Variants in MGAT5 observed in about 807,000 individuals in gnomAD.
MGAT5 encodes the protein alpha-1,6-mannosylglycoprotein 6-beta-N-acetylglucosaminyltransferase.
A neutral mutation model predicts 94.3 loss-of-function variants in MGAT5; 30 were observed. That is an observed-to-expected ratio of 0.32 (90% CI 0.24 to 0.43). The LOEUF is 0.43. Among genes scored for constraint, MGAT5 ranks in the 20% least tolerant of loss-of-function variants. The pLI is 1.00. For missense variants in MGAT5, 691 were observed against 905.5 expected, an observed-to-expected ratio of 0.76 and a Z score of 3.04; for synonymous variants, 310 against 322.9, an observed-to-expected ratio of 0.96 and a Z score of 0.43.
chr2:134,419,442 TTGTGTGTGTGTGTGTGTGTGTGTGTG>T (rs56181696), intron 12 of MGAT5, among the ~76,000 whole-genome samples: 9 of 134,222 alleles, frequency 6.7e-5, no homozygotes, highest in South Asian at 2.6e-4. Flanking sequence ...GCTTCAGGGT[TTGTGTGTGTGTGTGTGTGTGTGTGTG>T]TGTGTGTGTG....
At chr2:134,295,576 C>A (rs1223461900) in intron 2 of MGAT5, among the ~76,000 whole-genome samples, 1 of 152,142 alleles carries the variant, frequency 6.6e-6, no homozygotes, top group African/African-American at 2.4e-5. Context: ...CATTCCATTT[C>A]GACTTGTCAC....
chr2:134,204,212 C>G (rs924373159), intron 1 of MGAT5, among the ~76,000 whole-genome samples: 4 of 152,192 alleles, frequency 2.6e-5, no homozygotes, highest in African/African-American at 7.2e-5. Context: ...TGACAGCTCT[C>G]CCACCCTTTG....
chr2:134,378,686 G>T (rs990443975), intron 10 of MGAT5, among the ~76,000 whole-genome samples: 1 of 150,090 alleles, frequency 6.7e-6, no homozygotes, highest in Non-Finnish European at 1.5e-5. Context: ...CATGATCTCG[G>T]CTCACTGCCA....
intron 2 of MGAT5, 26 bp from the exon 3 acceptor site, chr2:134,317,503 C>G: frequency 6.7e-7 from 1 of 1,501,138 alleles, no homozygotes; most frequent in Non-Finnish European, 9.0e-7. Flanking sequence ...CTCATTGTAT[C>G]CTTTGTTGTT....
At chr2:134,388,010 A>C (rs1435980455) in intron 10 of MGAT5, among the ~76,000 whole-genome samples, 2 of 152,218 alleles carry the variant, frequency 1.3e-5, no homozygotes, top group Non-Finnish European at 2.9e-5. Context: ...ATCTCCAGCT[A>C]AAATTCATGG....
chr2:134,322,696 A>G (rs562927703), intron 4 of MGAT5, among the ~76,000 whole-genome samples: 120 of 152,216 alleles, frequency 7.9e-4, no homozygotes, highest in Non-Finnish European at 1.5e-3. Flanking sequence ...CTGTTGGTTC[A>G]CTTGTGTGGT....
chr2:134,189,568 C>G (rs1689213020), intron 1 of MGAT5, among the ~76,000 whole-genome samples: 1 of 139,722 alleles, frequency 7.2e-6, no homozygotes, highest in African/African-American at 2.7e-5. Flanking sequence ...TATGCAATAA[C>G]ATATGACTAA....
intron 6 of MGAT5, among the ~76,000 whole-genome samples, chr2:134,338,649 G>C (rs1222795237): frequency 1.1e-5 from 1 of 92,788 alleles, no homozygotes; most frequent in Non-Finnish European, 2.8e-5. Flanking sequence ...CAGAATATCT[G>C]CCTGTAAGAC....
rs546013435 is a variant in MGAT5 at position 134,453,314 on chromosome 2, C to T, written c.*4467C>T. On this transcript the variant is annotated 3_prime_UTR_variant, in exon 16 of 16. Coordinates refer to ENST00000281923, the MANE Select transcript of MGAT5 (RefSeq NM_002410.5). Reference sequence around the variant, plus strand: ...GGTTTGAAAATATGCCAGACTTCAGCCCCCAAGGAAACAAGGCTGCAAGAA... The same window carrying T: ...GGTTTGAAAATATGCCAGACTTCAGTCCCCAAGGAAACAAGGCTGCAAGAA... The T allele has an allele frequency of 6.6e-6, 1 of 152,254 alleles. No individual in the cohort carries two copies. The highest frequency in any genetic ancestry group is 2.4e-5 in the African/African-American group (1 of 41,532). The allele number at this position is 152,254 out of a possible 1,614,324, so 9.4% of individuals were successfully genotyped here.
At chr2:134,122,295 G>A (rs1417027855) in intron 1 of MGAT5, among the ~76,000 whole-genome samples, 3 of 152,116 alleles carry the variant, frequency 2.0e-5, no homozygotes, top group Admixed American at 6.5e-5. Flanking sequence ...GTAGAGACGA[G>A]GTTTCACCAT....
intron 1 of MGAT5, among the ~76,000 whole-genome samples, chr2:134,150,229 A>T (rs1244521567): frequency 2.0e-5 from 3 of 152,174 alleles, no homozygotes; most frequent in Admixed American, 6.5e-5. Flanking sequence ...TAGCGTCTTG[A>T]TAGTAGTGTG....
At chr2:134,123,068 A>T (rs1685690903) in intron 1 of MGAT5, among the ~76,000 whole-genome samples, 1 of 152,178 alleles carries the variant, frequency 6.6e-6, no homozygotes, top group Admixed American at 6.5e-5. Flanking sequence ...TCTTTGGTAG[A>T]ATCTGGAAGC....
chr2:134,405,414 G>A (rs890402168), intron 11 of MGAT5, among the ~76,000 whole-genome samples: 1 of 152,130 alleles, frequency 6.6e-6, no homozygotes, highest in African/African-American at 2.4e-5. Context: ...ACAAGGATGG[G>A]GCAGCGTATT....
At chr2:134,221,172 C>G (rs1409707523) in intron 1 of MGAT5, among the ~76,000 whole-genome samples, 1 of 152,108 alleles carries the variant, frequency 6.6e-6, no homozygotes, top group African/African-American at 2.4e-5. Context: ...CTCGGGAGGT[C>G]CTGAGAACAT....
At chr2:134,221,258 A>C (rs1294542447) in intron 1 of MGAT5, among the ~76,000 whole-genome samples, 1 of 152,230 alleles carries the variant, frequency 6.6e-6, no homozygotes, top group Non-Finnish European at 1.5e-5. Context: ...AATACATTTA[A>C]GGAATGCATT....
chr2:134,357,034 A>G (rs1679789065), intron 9 of MGAT5, among the ~76,000 whole-genome samples: 1 of 152,224 alleles, frequency 6.6e-6, no homozygotes, highest in Non-Finnish European at 1.5e-5. Flanking sequence ...GAGACATATA[A>G]TGGCAGGAAT....
chr2:134,151,111 G>T (rs1687146952), intron 1 of MGAT5, among the ~76,000 whole-genome samples: 1 of 152,106 alleles, frequency 6.6e-6, no homozygotes, highest in Non-Finnish European at 1.5e-5. Context: ...GCAGCCCATA[G>T]AGGTGAGTGA....
chr2:134,394,985 G>A (rs1418288972), intron 10 of MGAT5, among the ~76,000 whole-genome samples: 3 of 152,210 alleles, frequency 2.0e-5, no homozygotes, highest in Non-Finnish European at 4.4e-5. Context: ...TAAACAGTCT[G>A]TTTTCTGTGG....
intron 1 of MGAT5, among the ~76,000 whole-genome samples, chr2:134,178,932 CCATCTT>C (rs1688606039): frequency 6.6e-6 from 1 of 152,164 alleles, no homozygotes; most frequent in Admixed American, 6.5e-5. Flanking sequence ...CAGGTATAGT[CCATCTT>C]CATTATTCTC....
Sources: allele counts gnomAD v4.1 joint callset (sites outside exome capture counted in the v4.1 genomes callset), GRCh38; gene constraint gnomAD v4.1.1; transcripts MANE v1.5; gene names NCBI Gene and HGNC (gene_info 2026-07-23, HGNC 2026-07-21).